The following TRABD2B variants were observed in gnomAD, a reference collection of about 807,000 sequenced individuals.
The protein encoded by TRABD2B is metalloprotease TIKI2.
TRABD2B carries 14 observed loss-of-function variants against 40.1 expected under a neutral mutation model. That is an observed-to-expected ratio of 0.35 (90% CI 0.23 to 0.55). The LOEUF (loss-of-function observed/expected upper bound fraction) is 0.55. Ranked by LOEUF, TRABD2B falls within the 20% of genes least tolerant of loss-of-function variation. TRABD2B has a pLI of 0.90. For synonymous variants in TRABD2B, 263 were observed against 277.0 expected, an observed-to-expected ratio of 0.95 and a Z score of 0.50; for missense variants, 541 against 648.6, an observed-to-expected ratio of 0.83 and a Z score of 1.80.
At chr1:47,777,323 C>G (rs781536686) in intron 5 of TRABD2B, among the ~76,000 whole-genome samples, 1 of 152,224 alleles carries the variant, frequency 6.6e-6, no homozygotes, top group South Asian at 2.1e-4. Context: ...CCAGTATAAA[C>G]TAATGCGTGC....
chr1:47,933,616 C>A (rs1457938083), intron 2 of TRABD2B, among the ~76,000 whole-genome samples: 6 of 152,186 alleles, frequency 3.9e-5, no homozygotes, highest in Non-Finnish European at 7.3e-5. Flanking sequence ...CTCCAGAGAA[C>A]CTTCTCTGAC....
chr1:47,923,907 TACACACATACACAC>T (rs1374711456), intron 2 of TRABD2B, among the ~76,000 whole-genome samples: 13 of 64,228 alleles, frequency 2.0e-4, no homozygotes, highest in South Asian at 5.7e-4. Flanking sequence ...TCTACACACA[TACACACATACACAC>T]ACACACACAC....
intron 6 of TRABD2B, among the ~76,000 whole-genome samples, chr1:47,771,914 C>A (rs758317248): frequency 1.3e-5 from 2 of 152,178 alleles, no homozygotes; most frequent in Non-Finnish European, 2.9e-5. Flanking sequence ...ACTCCAGGCG[C>A]GTCCCTGGCT....
chr1:47,885,481 T>C (rs1274607179), intron 2 of TRABD2B, among the ~76,000 whole-genome samples: 1 of 152,226 alleles, frequency 6.6e-6, no homozygotes, highest in Non-Finnish European at 1.5e-5. Context: ...ATCGGCCATC[T>C]GGTAACTGTG....
intron 2 of TRABD2B, among the ~76,000 whole-genome samples, chr1:47,817,833 G>GC: frequency 6.6e-6 from 1 of 152,316 alleles, no homozygotes; most frequent in East Asian, 1.9e-4. Context: ...GCTCTCAGGG[G>GC]CCGTGGGCCC....
At chr1:47,876,873 C>A (rs1350580977) in intron 2 of TRABD2B, among the ~76,000 whole-genome samples, 1 of 152,150 alleles carries the variant, frequency 6.6e-6, no homozygotes, top group African/African-American at 2.4e-5. Context: ...CGTTCATCCA[C>A]TCATCATTCC....
intron 2 of TRABD2B, among the ~76,000 whole-genome samples, chr1:47,961,438 G>A (rs539507643): frequency 6.6e-5 from 10 of 152,258 alleles, no homozygotes; most frequent in East Asian, 3.9e-4. Context: ...CTACAGAATC[G>A]GAGAAAATTT....
chr1:47,857,270 G>T (rs1459969668), intron 2 of TRABD2B, among the ~76,000 whole-genome samples: 1 of 152,114 alleles, frequency 6.6e-6, no homozygotes, highest in Non-Finnish European at 1.5e-5. Context: ...CTAGTATCCT[G>T]GACCCTCCCC....
rs189604074 is a variant in TRABD2B at position 47,980,732 on chromosome 1, G to A, written c.666+13302C>T. On this transcript the variant is annotated intron_variant, in intron 2 of 6. Transcript: ENST00000606738. The stretch of plus-strand genomic sequence containing the variant: ...GGGCCCCTCAGCCTGCCCTGCCATC[G>A]CTTCAACTGCCAAGGTCAGCTTCTG... 3.3e-3 allele frequency among the ~76,000 whole-genome samples: 509 copies of A among 152,248 alleles called. 3 individuals are homozygous for A. Among genetic ancestry groups the A allele is most frequent in the Middle Eastern group, 0.031 (9 of 294 alleles).
intron 2 of TRABD2B, among the ~76,000 whole-genome samples, chr1:47,966,115 T>C (rs1645599042): frequency 6.6e-6 from 1 of 152,052 alleles, no homozygotes; most frequent in South Asian, 2.1e-4. Context: ...AGGGTTTGAG[T>C]CCCATATACC....
At chr1:47,945,391 T>G (rs1458476142) in intron 2 of TRABD2B, among the ~76,000 whole-genome samples, 1 of 152,214 alleles carries the variant, frequency 6.6e-6, no homozygotes, top group Non-Finnish European at 1.5e-5. Flanking sequence ...ACCTTAAAGC[T>G]TTACTAGCCT....
Position 47,775,101 on chromosome 1 carries a change from G to A in TRABD2B, c.1349+69C>T, listed in dbSNP as rs549607017. The A allele has an allele frequency of 1.2e-5, 15 of 1,225,992 alleles. No individual in the cohort carries two copies. The East Asian group carries it at 4.7e-4, about 39-fold the overall frequency. 75.9% of individuals were successfully genotyped at this position (1,225,992 alleles called of 1,614,324 possible). On this transcript the variant is annotated intron_variant, in intron 6 of 6. Coordinates refer to ENST00000606738, the MANE Select transcript of TRABD2B (RefSeq NM_001194986.2). ...CTGACGACAGTGTGCCCAGCTGTGG[G>A]GGGTTCAGGGTATACTATCCCGGGT...
chr1:47,808,239 C>T (rs1053891560), intron 2 of TRABD2B, among the ~76,000 whole-genome samples: 2 of 152,164 alleles, frequency 1.3e-5, no homozygotes, highest in East Asian at 1.9e-4. Context: ...ATTTCCAGCC[C>T]GCTGGCCTGC....
At chr1:47,965,214 A>AG (rs1312482961) in intron 2 of TRABD2B, among the ~76,000 whole-genome samples, 23 of 2,772 alleles carry the variant, frequency 8.3e-3, no homozygotes, top group African/African-American at 0.024. Flanking sequence ...GGGGGGGTGG[A>AG]GGGGGGGGTG....
rs1039072619 is a variant in TRABD2B, at chr1:47,802,729, C to G, written c.667-1110G>C. 2.0e-5 allele frequency among the ~76,000 whole-genome samples: 3 copies of G among 152,234 alleles called. No individual in the cohort carries two copies. In the South Asian group the frequency reaches 6.2e-4, roughly 32 times the overall value. On this transcript the variant is annotated intron_variant, in intron 2 of 6. Transcript: ENST00000606738. ...CCTCAATTCAGGCCCCAGCATTTCT[C>G]GTTGAGTCCCCTGCACCAGTCCCGC...
intron 2 of TRABD2B, among the ~76,000 whole-genome samples, chr1:47,867,551 C>T (rs1644077887): frequency 6.6e-6 from 1 of 152,196 alleles, no homozygotes; most frequent in Non-Finnish European, 1.5e-5. Context: ...GTGATCCCTT[C>T]CAAGGACAGG....
intron 2 of TRABD2B, among the ~76,000 whole-genome samples, chr1:47,843,992 T>C (rs886452402): frequency 7.9e-5 from 12 of 152,116 alleles, no homozygotes; most frequent in Non-Finnish European, 1.2e-4. Flanking sequence ...AAAGCCCCAA[T>C]AGAAGCTGAC....
chr1:47,863,372 T>TTATATATATATATATATATATATA (rs201881656), intron 2 of TRABD2B, among the ~76,000 whole-genome samples: 2,894 of 65,224 alleles, frequency 0.044, 359 homozygotes, highest in Non-Finnish European at 0.057. Flanking sequence ...CTATATAATT[T>TTATATATATATATATATATATATA]TATATATATA....
intron 2 of TRABD2B, among the ~76,000 whole-genome samples, chr1:47,942,330 C>T (rs1478000286): frequency 6.6e-6 from 1 of 152,192 alleles, no homozygotes; most frequent in African/African-American, 2.4e-5. Flanking sequence ...CATTTAAGCA[C>T]TTAAGAGCAG....
Sources: gnomAD v4.1 joint callset for allele counts (sites outside exome capture counted in the v4.1 genomes callset) on GRCh38, gnomAD v4.1.1 for gene constraint, MANE v1.5 for transcripts, NCBI Gene and HGNC (gene_info 2026-07-23, HGNC 2026-07-21) for gene names.